SLC24A3: variants seen among roughly 807,000 people sequenced by gnomAD.
SLC24A3 encodes sodium/potassium/calcium exchanger 3.
SLC24A3 carries 28 observed loss-of-function variants against 75.8 expected under a neutral mutation model. That is an observed-to-expected ratio of 0.37 (90% CI 0.27 to 0.51). The LOEUF (loss-of-function observed/expected upper bound fraction) is 0.51. Among genes scored for constraint, SLC24A3 ranks in the 20% least tolerant of loss-of-function variants. The probability of loss-of-function intolerance (pLI) is 0.94; values close to 1 mark genes in which losing one functional copy is unlikely to be tolerated. For synonymous variants in SLC24A3, 372 were observed against 334.1 expected, an observed-to-expected ratio of 1.11 and a Z score of -1.24; for missense variants, 663 against 847.8, an observed-to-expected ratio of 0.78 and a Z score of 2.71.
intron 2 of SLC24A3, among the ~76,000 whole-genome samples, chr20:19,417,004 A>C (rs1295461047): frequency 6.6e-6 from 1 of 152,216 alleles, no homozygotes; most frequent in Admixed American, 6.5e-5. Context: ...ACTTCAGTTT[A>C]ATTTTTTAAG....
intron 2 of SLC24A3, among the ~76,000 whole-genome samples, chr20:19,412,629 GA>G (rs1375891131): frequency 1.3e-5 from 2 of 151,178 alleles, no homozygotes; most frequent in South Asian, 2.1e-4. Context: ...GGAGGAGGAG[GA>G]GGGGGGGAGG....
At chr20:19,630,672 A>T (rs1339134045) in intron 6 of SLC24A3, among the ~76,000 whole-genome samples, 1 of 152,238 alleles carries the variant, frequency 6.6e-6, no homozygotes, top group Non-Finnish European at 1.5e-5. Flanking sequence ...AGCAATATAT[A>T]ACCTCATTTT....
chr20:19,336,690 C>T (rs1219521812), intron 2 of SLC24A3, among the ~76,000 whole-genome samples: 1 of 127,302 alleles, frequency 7.9e-6, no homozygotes, highest in Non-Finnish European at 1.6e-5. Context: ...CCCGCCACCC[C>T]CCACCCCCCA....
In SLC24A3 at chr20:19,273,624, C is replaced by T. The variant is rs568409142; in HGVS notation, c.143-7335C>T. 3.3e-4 allele frequency among the ~76,000 whole-genome samples: 51 copies of T among 152,252 alleles called. 3 individuals are homozygous for T. The highest frequency in any genetic ancestry group is 1.1e-3 in the African/African-American group (46 of 41,566). On this transcript the variant is annotated intron_variant, in intron 1 of 16. Coordinates refer to ENST00000328041, the MANE Select transcript of SLC24A3 (RefSeq NM_020689.4). Reference sequence around the variant, plus strand: ...CTCCAGGGTGCCCAGGGATCTGCTGCGGATCTTGTGAGATGCAGATTCTGA... The same window carrying T: ...CTCCAGGGTGCCCAGGGATCTGCTGTGGATCTTGTGAGATGCAGATTCTGA...
chr20:19,315,624 G>A (rs911765205), intron 2 of SLC24A3, among the ~76,000 whole-genome samples: 7 of 152,116 alleles, frequency 4.6e-5, no homozygotes, highest in African/African-American at 1.4e-4. Flanking sequence ...ACATGGAAGC[G>A]TGCACTGCTG....
chr20:19,478,904 C>T (rs997247416), intron 2 of SLC24A3, among the ~76,000 whole-genome samples: 1 of 152,250 alleles, frequency 6.6e-6, no homozygotes, highest in Non-Finnish European at 1.5e-5. Flanking sequence ...CTCCTGTTGA[C>T]TGAACAAACC....
At chr20:19,240,263 T>C (rs369514068) in intron 1 of SLC24A3, among the ~76,000 whole-genome samples, 30 of 152,350 alleles carry the variant, frequency 2.0e-4, no homozygotes, top group African/African-American at 7.2e-4. Context: ...AGGCTCGTGA[T>C]GTTCTTGTGA....
rs146298000 is a variant in SLC24A3, at chr20:19,218,869, A to G, written c.142+5885A>G. On this transcript the variant is annotated intron_variant, in intron 1 of 16. Coordinates refer to ENST00000328041, the MANE Select transcript of SLC24A3 (RefSeq NM_020689.4). ...TTGAGTGAAAGAACTTTTTGGAGGA[A>G]TAATAGTACACAGACTTTCATAATG... Among the ~76,000 whole-genome samples, 412 of 152,238 alleles carry G rather than the reference A, an allele frequency of 2.7e-3. 2 individuals are homozygous for G. The highest frequency in any genetic ancestry group is 4.1e-3 in the Non-Finnish European group (277 of 68,002).
chr20:19,238,338 C>T (rs927533896), intron 1 of SLC24A3, among the ~76,000 whole-genome samples: 7 of 152,192 alleles, frequency 4.6e-5, no homozygotes, highest in African/African-American at 7.2e-5. Flanking sequence ...TTATTGTTGC[C>T]GTTCACAGTT....
intron 2 of SLC24A3, among the ~76,000 whole-genome samples, chr20:19,406,181 G>GGTGT (rs372463704): frequency 0.011 from 1,581 of 145,424 alleles, 30 homozygotes; most frequent in African/African-American, 0.036. Flanking sequence ...TTTTAAAGAT[G>GGTGT]GTGTGTGTGT....
chr20:19,640,283 C>T (rs115609615), intron 6 of SLC24A3, among the ~76,000 whole-genome samples: 1,920 of 151,074 alleles, frequency 0.013, 33 homozygotes, highest in African/African-American at 0.044. Flanking sequence ...GAAGTGGAAG[C>T]AAATTATTAA....
At chr20:19,243,220 A>G (rs796482580) in intron 1 of SLC24A3, among the ~76,000 whole-genome samples, 4 of 152,326 alleles carry the variant, frequency 2.6e-5, no homozygotes, top group African/African-American at 9.6e-5. Flanking sequence ...ATTGATGTAT[A>G]TTATTTGTAA....
chr20:19,429,473 C>T (rs1206789342), intron 2 of SLC24A3, among the ~76,000 whole-genome samples: 1 of 152,204 alleles, frequency 6.6e-6, no homozygotes, highest in Non-Finnish European at 1.5e-5. Context: ...AGAGGTAATA[C>T]ACGCACTATC....
intron 6 of SLC24A3, among the ~76,000 whole-genome samples, chr20:19,642,339 A>T (rs996309985): frequency 6.6e-6 from 1 of 152,254 alleles, no homozygotes; most frequent in Non-Finnish European, 1.5e-5. Context: ...GGATCTTCTC[A>T]TACGTTTTTG....
At chr20:19,532,234 G>T (rs912869190) in intron 3 of SLC24A3, among the ~76,000 whole-genome samples, 1 of 152,202 alleles carries the variant, frequency 6.6e-6, no homozygotes, top group Non-Finnish European at 1.5e-5. Context: ...AAGGACTATG[G>T]CTCTGCCCTC....
chr20:19,323,224 A>AAAG (rs1205167770), intron 2 of SLC24A3, among the ~76,000 whole-genome samples: 1 of 151,416 alleles, frequency 6.6e-6, no homozygotes, highest in Admixed American at 6.6e-5. Flanking sequence ...AAAAAAAAAA[A>AAAG]AAGAAGAAGA....
At chr20:19,299,377 G>A (rs905807936) in intron 2 of SLC24A3, among the ~76,000 whole-genome samples, 1 of 152,096 alleles carries the variant, frequency 6.6e-6, no homozygotes, top group Non-Finnish European at 1.5e-5. Flanking sequence ...TTCAGACCTA[G>A]GTCTAGAATG....
At chr20:19,424,076 C>G (rs1986960094) in intron 2 of SLC24A3, among the ~76,000 whole-genome samples, 1 of 152,148 alleles carries the variant, frequency 6.6e-6, no homozygotes, top group Non-Finnish European at 1.5e-5. Context: ...ATGGTGTGAT[C>G]TAGAAACAGT....
At position 19,339,135 on chromosome 20, in the gene SLC24A3, T is replaced by C. The variant is rs528466038; in HGVS notation, c.271+58048T>C. Among the ~76,000 whole-genome samples the C allele has an allele frequency of 2.6e-3, 388 of 152,150 alleles. 4 individuals are homozygous for C. The Middle Eastern group carries it at 0.041, about 16-fold the overall frequency. ...TAGCCTGACTCTGTTTGTAATTAATTTGAATGCTTCCAGAGCTTCCTTTTA... is the reference window on the plus strand; with the variant it reads ...TAGCCTGACTCTGTTTGTAATTAATCTGAATGCTTCCAGAGCTTCCTTTTA... On this transcript the variant is annotated intron_variant, in intron 2 of 16. Coordinates refer to ENST00000328041, the MANE Select transcript of SLC24A3 (RefSeq NM_020689.4).
Sources: allele counts gnomAD v4.1 joint callset (sites outside exome capture counted in the v4.1 genomes callset), GRCh38; gene constraint gnomAD v4.1.1; transcripts MANE v1.5; gene names NCBI Gene and HGNC (gene_info 2026-07-23, HGNC 2026-07-21).